The following SLC30A8 variants were observed in gnomAD, a reference collection of about 807,000 sequenced individuals.
The protein encoded by SLC30A8 is solute carrier family 30 member 8, also known as proton-coupled zinc antiporter SLC30A8.
SLC30A8 carries 27 observed loss-of-function variants against 36.9 expected under a neutral mutation model. The observed-to-expected ratio is 0.73, with a 90% CI of 0.54 to 1.01. SLC30A8 has a LOEUF of 1.01. Among genes scored for constraint, SLC30A8 ranks in the 50% least tolerant of loss-of-function variants. The pLI, the probability that SLC30A8 is intolerant of heterozygous loss-of-function variation, is 0.00. For missense variants in SLC30A8, 439 were observed against 452.0 expected, an observed-to-expected ratio of 0.97 and a Z score of 0.26; for synonymous variants, 164 against 172.4, an observed-to-expected ratio of 0.95 and a Z score of 0.38.
At chr8:117,114,549 C>T (rs1586540172) in intron 2 of SLC30A8, among the ~76,000 whole-genome samples, 1 of 152,060 alleles carries the variant, frequency 6.6e-6, no homozygotes, top group Admixed American at 6.6e-5. Context: ...AGCTTTAAAT[C>T]CCTAGCCCTC....
rs569411477 is a variant in SLC30A8, at chr8:117,108,991, G to A, written c.-225-26289G>A. On this transcript the variant is annotated intron_variant, in intron 2 of 10. Transcript: ENST00000427715. ...CTCTCTGGCAGGCTTTTCTCATGAC[G>A]TGGCATCCCAGGGCTCTAACTTTCC... Among the ~76,000 whole-genome samples, 6 of 152,200 alleles carry A rather than the reference G, an allele frequency of 3.9e-5. No individual in the cohort carries two copies. In the South Asian group the frequency reaches 8.3e-4, roughly 21 times the overall value.
chr8:116,991,630 C>G (rs1281413965), intron 1 of SLC30A8, among the ~76,000 whole-genome samples: 1 of 152,138 alleles, frequency 6.6e-6, no homozygotes, highest in Non-Finnish European at 1.5e-5. Flanking sequence ...TCTTACAAAA[C>G]TTAGATATCT....
intron 1 of SLC30A8, among the ~76,000 whole-genome samples, chr8:117,038,137 A>G (rs2130751727): frequency 6.6e-6 from 1 of 152,310 alleles, no homozygotes; most frequent in East Asian, 1.9e-4. Flanking sequence ...ATTTTATAAA[A>G]TTGTTCTTCA....
At chr8:117,073,190 A>G (rs1379571527) in intron 2 of SLC30A8, among the ~76,000 whole-genome samples, 1 of 152,164 alleles carries the variant, frequency 6.6e-6, no homozygotes, top group Non-Finnish European at 1.5e-5. Flanking sequence ...CACTACTTCT[A>G]AGACTAGAGC....
chr8:117,011,296 A>G (rs1402758576), intron 1 of SLC30A8, among the ~76,000 whole-genome samples: 1 of 152,170 alleles, frequency 6.6e-6, no homozygotes, highest in Non-Finnish European at 1.5e-5. Flanking sequence ...AACTGGGTTT[A>G]TGTCACTTGT....
chr8:117,153,009 A>G lies in SLC30A8; in HGVS notation c.337A>G (p.Ser113Gly). Residue 113 changes from serine to glycine, a missense_variant, in exon 3 of 8, where the codon AGT becomes GGT. Physicochemically the swap from Ser to Gly is moderately conservative, Grantham distance 56. Transcript: ENST00000456015. Reference protein sequence around the residue: ...DAAHLLIDLTSFLLSLFSLWL... With the variant: ...DAAHLLIDLTGFLLSLFSLWL... ...TGCCCACCTCTTAATTGACCTGACC[A>G]GTTTCCTGCTCAGTCTCTTCTCCCT... The G allele has an allele frequency of 6.2e-7, 1 of 1,613,728 alleles. No individual in the cohort carries two copies. The highest frequency in any genetic ancestry group is 8.5e-7 in the Non-Finnish European group (1 of 1,179,738).
At chr8:117,058,781 C>T (rs1817944638) in intron 2 of SLC30A8, among the ~76,000 whole-genome samples, 1 of 152,092 alleles carries the variant, frequency 6.6e-6, no homozygotes, top group Non-Finnish European at 1.5e-5. Context: ...ATTTTGGTGT[C>T]CACACACAAC....
chr8:117,109,661 G>T (rs1369065088), intron 2 of SLC30A8, among the ~76,000 whole-genome samples: 1 of 152,182 alleles, frequency 6.6e-6, no homozygotes, highest in Admixed American at 6.5e-5. Context: ...TGACAATGCT[G>T]AAACACCCAT....
intron 1 of SLC30A8, among the ~76,000 whole-genome samples, chr8:117,033,680 A>C (rs1392774132): frequency 6.6e-6 from 1 of 152,204 alleles, no homozygotes; most frequent in East Asian, 1.9e-4. Flanking sequence ...AGGAATAAAA[A>C]GTGGAAGAGG....
intron 2 of SLC30A8, among the ~76,000 whole-genome samples, chr8:117,051,999 A>G (rs1817725955): frequency 1.3e-5 from 2 of 151,972 alleles, no homozygotes; most frequent in African/African-American, 2.4e-5. Flanking sequence ...GAGGCAAATA[A>G]GCCTCTTTTA....
chr8:117,038,312 A>T (rs1349721432), intron 1 of SLC30A8, among the ~76,000 whole-genome samples: 1 of 152,228 alleles, frequency 6.6e-6, no homozygotes, highest in Non-Finnish European at 1.5e-5. Context: ...AAAACACCAG[A>T]GATCGATATG....
At chr8:117,085,936 CAA>C (rs1262597267) in intron 2 of SLC30A8, among the ~76,000 whole-genome samples, 1 of 151,956 alleles carries the variant, frequency 6.6e-6, no homozygotes, top group Non-Finnish European at 1.5e-5. Context: ...AAAATAATTC[CAA>C]GAGAGTTGAA....
chr8:117,154,157 T>C (rs894523267), intron 3 of SLC30A8, among the ~76,000 whole-genome samples: 1 of 152,160 alleles, frequency 6.6e-6, no homozygotes, highest in African/African-American at 2.4e-5. Context: ...GGTCAACGTG[T>C]GCCGTCATGG....
Position 117,120,630 on chromosome 8 carries a change from C to T in SLC30A8, c.-225-14650C>T, listed in dbSNP as rs1250328799. On this transcript the variant is annotated intron_variant, in intron 2 of 10. Transcript: ENST00000427715. Reference sequence around the variant, plus strand: ...GGGACTACATCAAATTAAAAATCTTCTGCACAACAAGGGACACAATCAACA... The same window carrying T: ...GGGACTACATCAAATTAAAAATCTTTTGCACAACAAGGGACACAATCAACA... 3.3e-5 allele frequency among the ~76,000 whole-genome samples: 5 copies of T among 151,798 alleles called. No individual in the cohort carries two copies. The Admixed American group carries it at 3.3e-4, about 10-fold the overall frequency.
intron 1 of SLC30A8, among the ~76,000 whole-genome samples, chr8:116,996,411 A>G (rs1353724619): frequency 1.3e-5 from 2 of 152,194 alleles, no homozygotes; most frequent in East Asian, 1.9e-4. Flanking sequence ...ATGGTGTACA[A>G]CATGTTTTGA....
chr8:117,058,033 A>G (rs914514498), intron 2 of SLC30A8, among the ~76,000 whole-genome samples: 4 of 152,182 alleles, frequency 2.6e-5, no homozygotes, highest in Admixed American at 6.5e-5. Context: ...TCTTTTCTCC[A>G]CACCTTCCAT....
intron 1 of SLC30A8, among the ~76,000 whole-genome samples, chr8:116,976,237 T>A (rs540643795): frequency 8.0e-6 from 1 of 124,788 alleles, no homozygotes; most frequent in African/African-American, 2.6e-5. Flanking sequence ...TGGTAAGTTC[T>A]CTCTCTTTTT....
chr8:117,047,259 G>A (rs1250501963), intron 2 of SLC30A8, among the ~76,000 whole-genome samples: 1 of 152,160 alleles, frequency 6.6e-6, no homozygotes, highest in Non-Finnish European at 1.5e-5. Flanking sequence ...ATGATATTGT[G>A]AGGGTCGCAG....
At chr8:117,151,810 C>T (rs1822203192) in intron 2 of SLC30A8, among the ~76,000 whole-genome samples, 1 of 152,162 alleles carries the variant, frequency 6.6e-6, no homozygotes, top group East Asian at 1.9e-4. Context: ...GATAGAGCAA[C>T]ATTAGAGGAT....
Sources: gnomAD v4.1 joint callset for allele counts (sites outside exome capture counted in the v4.1 genomes callset) on GRCh38, gnomAD v4.1.1 for gene constraint, MANE v1.5 for transcripts, NCBI Gene and HGNC (gene_info 2026-07-23, HGNC 2026-07-21) for gene names.